The following SERPINA12 variants were observed in gnomAD, a reference collection of about 807,000 sequenced individuals.
SERPINA12 encodes serpin A12.
In SERPINA12, 21 loss-of-function variants were observed where a neutral mutation model predicts 25.9. The observed-to-expected ratio is 0.81, with a 90% confidence interval of 0.58 to 1.17. The LOEUF (loss-of-function observed/expected upper bound fraction) is 1.17, where lower values mean the gene tolerates loss of function less well. Ranked by LOEUF, SERPINA12 falls within the 50% of genes most tolerant of loss-of-function variation. The probability of loss-of-function intolerance (pLI) is 0.00; values close to 1 mark genes in which losing one functional copy is unlikely to be tolerated. For missense variants in SERPINA12, 562 were observed against 508.3 expected (o/e 1.11, Z -1.02); for synonymous variants, 220 against 196.0 (o/e 1.12, Z -1.02).
At chr14:94,513,518 A>G (rs569377360), upstream of SERPINA12, among the ~76,000 whole-genome samples, 21 of 152,288 alleles carry the variant, frequency 1.4e-4, no homozygotes, top group Middle Eastern at 0.01. Flanking sequence ...AAGTTACTTC[A>G]TCTTTCAGGA....
chr14:94,492,684 T>A (rs1900227305), intron 3 of SERPINA12, among the ~76,000 whole-genome samples: 1 of 152,238 alleles, frequency 6.6e-6, no homozygotes, highest in Non-Finnish European at 1.5e-5. Context: ...GGCTTTAGTT[T>A]GTGCCAACGT....
chr14:94,511,556 G>C (rs914016000), upstream of SERPINA12: 1 of 985,324 alleles, frequency 1.0e-6, no homozygotes, highest in Non-Finnish European at 1.2e-6. Context: ...AGTATTTGTC[G>C]GGTTGGTTCG....
intron 3 of SERPINA12, among the ~76,000 whole-genome samples, chr14:94,491,332 G>A (rs946292112): frequency 2.0e-5 from 3 of 152,234 alleles, no homozygotes; most frequent in Non-Finnish European, 2.9e-5. Context: ...TTGGTCCAAA[G>A]TTTGAGCAAA....
At chr14:94,516,656 A>T (rs1373938507) in intron 1 of SERPINA12, among the ~76,000 whole-genome samples, 1 of 152,184 alleles carries the variant, frequency 6.6e-6, no homozygotes, top group Non-Finnish European at 1.5e-5. Flanking sequence ...AGAATTCGTC[A>T]CTACACTGAC....
At chr14:94,504,557 T>A (rs1232043669) in intron 1 of SERPINA12, among the ~76,000 whole-genome samples, 1 of 152,264 alleles carries the variant, frequency 6.6e-6, no homozygotes, top group Admixed American at 6.5e-5. Flanking sequence ...CCTCACCATT[T>A]TCTTTTGCTA....
chr14:94,503,001 T>A (rs1485696216), intron 1 of SERPINA12, among the ~76,000 whole-genome samples: 1 of 152,132 alleles, frequency 6.6e-6, no homozygotes, highest in Non-Finnish European at 1.5e-5. Flanking sequence ...GGCTGAGAAA[T>A]CTGAGGAATC....
intron 1 of SERPINA12, among the ~76,000 whole-genome samples, chr14:94,500,311 C>T (rs940142666): frequency 2.0e-5 from 3 of 152,184 alleles, no homozygotes; most frequent in African/African-American, 4.8e-5. Flanking sequence ...TTCCCCTCCT[C>T]GCCTTCTTCT....
upstream of SERPINA12, among the ~76,000 whole-genome samples, chr14:94,514,088 C>T (rs142949671): frequency 9.8e-5 from 15 of 152,338 alleles, no homozygotes; most frequent in African/African-American, 2.4e-4. Flanking sequence ...TCCCCACTGT[C>T]GAGAGGCTGA....
intron 1 of SERPINA12, among the ~76,000 whole-genome samples, chr14:94,517,247 G>A (rs1035569178): frequency 6.6e-6 from 1 of 152,178 alleles, no homozygotes; most frequent in Non-Finnish European, 1.5e-5. Context: ...CACAGTGGAG[G>A]GTTTCAAATG....
At chr14:94,495,592 A>G (rs151114051) in intron 3 of SERPINA12, among the ~76,000 whole-genome samples, 1 of 152,226 alleles carries the variant, frequency 6.6e-6, no homozygotes, top group Non-Finnish European at 1.5e-5. Context: ...CTTTATGGAG[A>G]TGCATGGGGA....
intron 1 of SERPINA12, among the ~76,000 whole-genome samples, 167 bp downstream of exon 1, chr14:94,509,175 G>A (rs1901035319): frequency 6.6e-6 from 1 of 152,068 alleles, no homozygotes; most frequent in Admixed American, 6.6e-5. Flanking sequence ...TGGCCAGACT[G>A]GTGATCCAGC....
chr14:94,488,675 G>A (rs1595682176), intron 4 of SERPINA12, among the ~76,000 whole-genome samples: 2 of 152,058 alleles, frequency 1.3e-5, no homozygotes, highest in Admixed American at 6.5e-5. Context: ...TGCTAAATCC[G>A]GTGACTCTAC....
intron 2 of SERPINA12, 74 bp from the exon 3 acceptor site, chr14:94,496,717 T>C (rs1300296283): frequency 4.0e-6 from 5 of 1,258,560 alleles, no homozygotes; most frequent in African/African-American, 1.5e-5. Flanking sequence ...TAACCAGTAG[T>C]CTCTCTCCAC....
At chr14:94,500,204 G>T (rs542169222) in intron 1 of SERPINA12, among the ~76,000 whole-genome samples, 1 of 152,312 alleles carries the variant, frequency 6.6e-6, no homozygotes, top group South Asian at 2.1e-4. Flanking sequence ...GGAGTTTGTA[G>T]TATAGTATTG....
intron 3 of SERPINA12, among the ~76,000 whole-genome samples, chr14:94,493,890 G>A (rs1215432485): frequency 6.6e-6 from 1 of 152,216 alleles, no homozygotes; most frequent in Admixed American, 6.5e-5. Flanking sequence ...GGGAACATCT[G>A]TGTGGTTGGT....
chr14:94,508,615 T>C (rs1271352458), intron 1 of SERPINA12, among the ~76,000 whole-genome samples: 1 of 152,232 alleles, frequency 6.6e-6, no homozygotes, highest in Admixed American at 6.5e-5. Context: ...AGAAACCATG[T>C]AGGAAAAGAT....
Position 94,498,242 on chromosome 14 carries a change from G to A in SERPINA12, c.156C>T (p.Asn52=), listed in dbSNP as rs745491046. 4.1e-5 allele frequency: 66 copies of A among 1,614,086 alleles called. No homozygotes were observed. The Middle Eastern group carries it at 4.9e-4, about 12-fold the overall frequency. Residue 52 remains asparagine (N), a synonymous_variant, in exon 2 of 5, where the codon AAC becomes AAT. Coordinates refer to ENST00000677451, the MANE Select transcript of SERPINA12 (RefSeq NM_001382267.1). ...RMAAKELARQ[N]MDLGFKLLKK... ...TGAGCAGCTTAAAGCCTAAGTCCAT[G>A]TTCTGCCTTGCAAGCTCCTTGGCTG...
chr14:94,511,410 T>C, upstream of SERPINA12: 1 of 985,268 alleles, frequency 1.0e-6, no homozygotes, highest in Non-Finnish European at 1.2e-6. Flanking sequence ...AATTTCTTAA[T>C]ATAAAAGCAG....
At chr14:94,498,834 G>T (rs987585924) in intron 1 of SERPINA12, among the ~76,000 whole-genome samples, 1 of 152,170 alleles carries the variant, frequency 6.6e-6, no homozygotes, top group Non-Finnish European at 1.5e-5. Context: ...ACCAAAATCA[G>T]ACCTCTCAGT....
Sources: gnomAD v4.1 joint callset for allele counts (sites outside exome capture counted in the v4.1 genomes callset) on GRCh38, gnomAD v4.1.1 for gene constraint, MANE v1.5 for transcripts, NCBI Gene and HGNC (gene_info 2026-07-23, HGNC 2026-07-21) for gene names.